The following RGS22 variants were observed in gnomAD, a reference collection of about 807,000 sequenced individuals.
RGS22 encodes the protein regulator of G-protein signaling 22.
Under a neutral mutation model 172.9 loss-of-function variants are expected in RGS22, and 148 were observed. The observed-to-expected ratio is 0.86, with a 90% CI of 0.75 to 0.98. The LOEUF is 0.98. Among genes scored for constraint, RGS22 ranks in the 50% least tolerant of loss-of-function variants. The pLI, the probability that RGS22 is intolerant of heterozygous loss-of-function variation, is 0.00. For synonymous variants in RGS22, 458 were observed against 480.2 expected (o/e 0.95, Z 0.60); for missense variants, 1,347 against 1,440.8 (o/e 0.93, Z 1.05).
intron 23 of RGS22, among the ~76,000 whole-genome samples, chr8:99,971,690 A>G (rs1563558487): frequency 6.6e-6 from 1 of 152,234 alleles, no homozygotes; most frequent in Non-Finnish European, 1.5e-5. Flanking sequence ...GACATCTTCA[A>G]GGAGAACTAC....
intron 9 of RGS22, among the ~76,000 whole-genome samples, chr8:100,060,868 T>C (rs1194911727): frequency 6.6e-6 from 1 of 152,140 alleles, no homozygotes; most frequent in Non-Finnish European, 1.5e-5. Flanking sequence ...AAGGCAATCC[T>C]AAGCAAAAAG....
intron 22 of RGS22, among the ~76,000 whole-genome samples, chr8:99,978,615 A>G (rs1812228891): frequency 6.6e-6 from 1 of 152,220 alleles, no homozygotes; most frequent in South Asian, 2.1e-4. Flanking sequence ...TTTATGTGAG[A>G]GCAAGAAAAG....
chr8:100,003,976 G>T lies in RGS22; in HGVS notation c.2577C>A (p.Asn859Lys), dbSNP rs780456138. The T allele has an allele frequency of 3.1e-6, 5 of 1,611,490 alleles. No individual in the cohort carries two copies. The Admixed American group carries it at 5.0e-5, about 16-fold the overall frequency. The change falls in exon 17 of 28, where the codon AAC (asparagine) becomes AAA (lysine). Residue 859 changes from asparagine to lysine, a missense_variant. Transcript: ENST00000360863. The stretch of plus-strand genomic sequence containing the variant: ...GACGGAAATGTTCAAACTCCAGTTT[G>T]TTGTTAAGCAGATCACTAAACTTAA... ...KHFKFSDLLN[N>K]KLEFEHFRQF...
At position 100,006,056 on chromosome 8, in the gene RGS22, T is replaced by C. The variant is rs757163591; in HGVS notation, c.2415A>G (p.Leu805=). The C allele has an allele frequency of 2.5e-6, 4 of 1,613,572 alleles. No homozygotes were observed. The highest frequency in any genetic ancestry group is 2.2e-5 in the South Asian group (2 of 90,992). The change falls in exon 16 of 28, where the codon CTA becomes CTG. Residue 805 remains leucine (L), a synonymous_variant. Coordinates refer to ENST00000360863, the MANE Select transcript of RGS22 (RefSeq NM_015668.5). ...AAAATGTCTCTTTATGCAAAGCCTGTAGCTTTCTGAAGTATGTGGAGTCTA... is the reference window on the plus strand; with the variant it reads ...AAAATGTCTCTTTATGCAAAGCCTGCAGCTTTCTGAAGTATGTGGAGTCTA... The part of the protein sequence containing the change: ...RQLDSTYFRK[L]QALHKETFSK...
intron 23 of RGS22, among the ~76,000 whole-genome samples, chr8:99,968,765 G>T (rs1811024074): frequency 6.6e-6 from 1 of 152,182 alleles, no homozygotes; most frequent in South Asian, 2.1e-4. Flanking sequence ...TGGTGTACCT[G>T]AAAGTGATGG....
chr8:100,086,920 CAA>C (rs1272367409), intron 3 of RGS22, among the ~76,000 whole-genome samples: 3 of 152,070 alleles, frequency 2.0e-5, no homozygotes, highest in Non-Finnish European at 2.9e-5. Flanking sequence ...AGACAAACTG[CAA>C]AGCCACATTC....
intron 20 of RGS22, among the ~76,000 whole-genome samples, chr8:99,989,231 T>C (rs1010559000): frequency 2.0e-5 from 3 of 152,138 alleles, no homozygotes; most frequent in Non-Finnish European, 4.4e-5. Context: ...CTAGGTCTAG[T>C]TGGACATTTT....
intron 4 of RGS22, among the ~76,000 whole-genome samples, chr8:100,076,705 T>C (rs991332896): frequency 6.6e-6 from 1 of 152,060 alleles, no homozygotes; most frequent in Non-Finnish European, 1.5e-5. Context: ...TTTTAAGAAA[T>C]ATGTGGGCCG....
chr8:99,996,393 A>C, intron 20 of RGS22, 69 bp downstream of exon 20: 3 of 1,327,450 alleles, frequency 2.3e-6, no homozygotes, highest in Non-Finnish European at 3.2e-6. Flanking sequence ...TGAACAAGAA[A>C]GGGAAAGAAA....
chr8:100,091,174 G>A (rs1812548894), intron 3 of RGS22, among the ~76,000 whole-genome samples: 1 of 151,536 alleles, frequency 6.6e-6, no homozygotes, highest in Non-Finnish European at 1.5e-5. Flanking sequence ...TCTCCTCCCT[G>A]TCCCCAGATT....
chr8:99,962,788 T>G lies in RGS22; in HGVS notation c.3710-21A>C, dbSNP rs764386459. On this transcript the variant is annotated intron_variant, in intron 25 of 27. Coordinates refer to ENST00000360863, the MANE Select transcript of RGS22 (RefSeq NM_015668.5). ...CAAGCCTGCACAAAAATAAAAGAGA[T>G]AAGAAAAACAGTAAAGTAAATATTG... 9 of 1,591,180 alleles carry G rather than the reference T, an allele frequency of 5.7e-6. No homozygotes were observed. The East Asian group carries it at 1.8e-4, about 32-fold the overall frequency.
intron 8 of RGS22, 105 bp downstream of exon 8, chr8:100,063,311 A>T: frequency 1.4e-6 from 1 of 727,258 alleles, no homozygotes; most frequent in Non-Finnish European, 2.1e-6. Flanking sequence ...GTAAAAAATT[A>T]CATTTTTTAA....
chr8:100,003,682 T>C (rs900165438), intron 17 of RGS22, among the ~76,000 whole-genome samples: 1 of 152,112 alleles, frequency 6.6e-6, no homozygotes, highest in Admixed American at 6.5e-5. Flanking sequence ...TATTTTAACT[T>C]AGCCAATGCT....
At chr8:99,991,417 C>A (rs1418693811) in intron 20 of RGS22, among the ~76,000 whole-genome samples, 2 of 152,182 alleles carry the variant, frequency 1.3e-5, no homozygotes, top group African/African-American at 2.4e-5. Flanking sequence ...TAGAGAAGAT[C>A]TTAAATGACC....
intron 14 of RGS22, among the ~76,000 whole-genome samples, chr8:100,038,259 C>T (rs1295068557): frequency 6.6e-6 from 1 of 152,092 alleles, no homozygotes; most frequent in African/African-American, 2.4e-5. Flanking sequence ...CACAATTCTG[C>T]TCCCTTTTCT....
intron 2 of RGS22, among the ~76,000 whole-genome samples, chr8:100,093,820 C>T (rs1485481019): frequency 6.6e-6 from 1 of 152,076 alleles, no homozygotes; most frequent in Non-Finnish European, 1.5e-5. Flanking sequence ...TCAACAAATA[C>T]AAAATAATAC....
chr8:100,100,401 T>C (rs1401239129), intron 2 of RGS22, among the ~76,000 whole-genome samples: 2 of 152,048 alleles, frequency 1.3e-5, no homozygotes, highest in African/African-American at 4.8e-5. Context: ...GCAATTCTCC[T>C]GCTTCAGCCT....
chr8:100,056,496 A>G (rs1214252347), intron 9 of RGS22, among the ~76,000 whole-genome samples: 1 of 151,828 alleles, frequency 6.6e-6, no homozygotes, highest in African/African-American at 2.4e-5. Context: ...GGCCTAGGGG[A>G]AAAAAAATGT....
At chr8:100,038,475 A>T (rs978741335) in intron 14 of RGS22, 1 of 153,232 alleles carries the variant, frequency 6.5e-6, no homozygotes, top group African/African-American at 2.4e-5. Context: ...ATAGTCAGTC[A>T]ACATCTTTTC....
Sources: allele counts gnomAD v4.1 joint callset (sites outside exome capture counted in the v4.1 genomes callset), GRCh38; gene constraint gnomAD v4.1.1; transcripts MANE v1.5; gene names NCBI Gene and HGNC (gene_info 2026-07-23, HGNC 2026-07-21).